MYO1D: variants seen among roughly 807,000 people sequenced by gnomAD.
MYO1D encodes unconventional myosin-Id.
Under a neutral mutation model 122.0 loss-of-function variants are expected in MYO1D, and 83 were observed. That is an observed-to-expected ratio of 0.68 (90% CI 0.57 to 0.82). MYO1D has a LOEUF of 0.82. Among genes scored for constraint, MYO1D ranks in the 40% least tolerant of loss-of-function variants. The pLI, the probability that MYO1D is intolerant of heterozygous loss-of-function variation, is 0.00. For synonymous variants in MYO1D, 464 were observed against 446.9 expected (o/e 1.04, Z -0.48); for missense variants, 1,157 against 1,269.5 (o/e 0.91, Z 1.35).
intron 15 of MYO1D, among the ~76,000 whole-genome samples, chr17:32,713,297 G>A (rs1403197288): frequency 6.6e-6 from 1 of 152,056 alleles, no homozygotes; most frequent in Non-Finnish European, 1.5e-5. Flanking sequence ...CTATTAAAAA[G>A]TCCATCTTTC....
intron 20 of MYO1D, among the ~76,000 whole-genome samples, chr17:32,611,487 A>G (rs989512711): frequency 1.3e-5 from 2 of 152,186 alleles, no homozygotes; most frequent in African/African-American, 4.8e-5. Context: ...GTACCTAGGC[A>G]TACAAAAATA....
At chr17:32,645,101 AG>A (rs2150944290) in intron 19 of MYO1D, among the ~76,000 whole-genome samples, 1 of 152,314 alleles carries the variant, frequency 6.6e-6, no homozygotes, top group South Asian at 2.1e-4. Flanking sequence ...CTTGTAGGGC[AG>A]GCCTGGTGGT....
At chr17:32,540,649 T>G (rs578081168) in intron 21 of MYO1D, among the ~76,000 whole-genome samples, 1 of 151,960 alleles carries the variant, frequency 6.6e-6, no homozygotes, top group South Asian at 2.1e-4. Flanking sequence ...ATAATGGCCA[T>G]GCATGGTGGC....
intron 16 of MYO1D, among the ~76,000 whole-genome samples, chr17:32,686,887 A>T (rs1458906037): frequency 6.6e-6 from 1 of 151,358 alleles, no homozygotes; most frequent in African/African-American, 2.4e-5. Flanking sequence ...GGATTGCTTG[A>T]GCCCTGGAAG....
intron 16 of MYO1D, among the ~76,000 whole-genome samples, chr17:32,674,403 G>C (rs1567942104): frequency 6.6e-6 from 1 of 152,290 alleles, no homozygotes; most frequent in East Asian, 1.9e-4. Flanking sequence ...ACATGGAACT[G>C]ATAAACACTA....
At position 32,677,594 on chromosome 17, in the gene MYO1D, T is replaced by G. The variant is rs201628597; in HGVS notation, c.2122-18256A>C. ...ATAGATAGATAAATATATATATATATATATATATATATATATATATATATA... is the reference window on the plus strand; with the variant it reads ...ATAGATAGATAAATATATATATATAGATATATATATATATATATATATATA... On this transcript the variant is annotated intron_variant, in intron 16 of 21. Transcript: ENST00000318217. Among the ~76,000 whole-genome samples the G allele has an allele frequency of 4.7e-3, 82 of 17,350 alleles. 1 individual carries two copies. Among genetic ancestry groups the G allele is most frequent in the African/African-American group, 0.012 (78 of 6,668 alleles). 11.4% of individuals were successfully genotyped at this position (17,350 alleles called of 152,430 possible). A position where few individuals can be genotyped will look rare whatever the true frequency, so the allele number is the denominator to read the frequency against.
chr17:32,589,035 A>C (rs557642594), intron 21 of MYO1D, among the ~76,000 whole-genome samples: 56 of 118,974 alleles, frequency 4.7e-4, no homozygotes, highest in Non-Finnish European at 7.3e-4. Context: ...GCAAGAGAAT[A>C]AAATTCACCC....
chr17:32,778,500 A>G lies in MYO1D; in HGVS notation c.378T>C (p.Ser126=), dbSNP rs1464510876. ...MQYIAAITNP[S]QRAEVERVKN... is the part of the protein sequence containing the mutation. ...CTTACCTTTCAACCTCTGCTCTCTG[A>G]CTGGGGTTGGTGATGGCCGCAATAT... The change falls in exon 3 of 22, where the codon AGT becomes AGC. Residue 126 remains serine (S), a synonymous_variant. Coordinates refer to ENST00000318217, the MANE Select transcript of MYO1D (RefSeq NM_015194.3). 1 of 1,613,500 alleles carries G rather than the reference A, an allele frequency of 6.2e-7. No homozygotes were observed. Among genetic ancestry groups the G allele is most frequent in the Admixed American group, 1.7e-5 (1 of 60,004 alleles).
intron 16 of MYO1D, among the ~76,000 whole-genome samples, chr17:32,690,389 G>T (rs1390747036): frequency 1.3e-5 from 2 of 152,114 alleles, no homozygotes; most frequent in African/African-American, 4.8e-5. Context: ...TGCCCAGGCT[G>T]GTCGCGAACT....
chr17:32,667,311 T>C (rs1386714600), intron 16 of MYO1D, among the ~76,000 whole-genome samples: 1 of 152,184 alleles, frequency 6.6e-6, no homozygotes, highest in African/African-American at 2.4e-5. Context: ...TCCATTTCTA[T>C]AAGGGACAAA....
At chr17:32,804,341 T>C (rs752056064) in intron 1 of MYO1D, among the ~76,000 whole-genome samples, 11 of 152,338 alleles carry the variant, frequency 7.2e-5, no homozygotes, top group South Asian at 2.1e-4. Context: ...CACATAGATA[T>C]AGAGGGCTCT....
rs936759067 is a variant in MYO1D, at chr17:32,574,456, ATTC to A, written c.2864+30628_2864+30630del. On this transcript the variant is annotated intron_variant, in intron 21 of 21. Coordinates refer to ENST00000318217, the MANE Select transcript of MYO1D (RefSeq NM_015194.3). ...TCAAATGTAAATAGCGTCTCCACAA[ATTC>A]TTCTCCAAATCAGGCTAATTGTCTT... Among the ~76,000 whole-genome samples the A allele has an allele frequency of 4.6e-5, 7 of 152,260 alleles. 1 individual carries two copies. The highest frequency in any genetic ancestry group is 1.7e-4 in the African/African-American group (7 of 41,538).
At chr17:32,650,157 CTT>C (rs2088369095) in intron 19 of MYO1D, among the ~76,000 whole-genome samples, 2 of 152,084 alleles carry the variant, frequency 1.3e-5, no homozygotes, top group African/African-American at 4.8e-5. Flanking sequence ...CTGAAAAAGT[CTT>C]TATTTCACTT....
chr17:32,516,773 C>A (rs1909906753), intron 21 of MYO1D, among the ~76,000 whole-genome samples: 1 of 152,230 alleles, frequency 6.6e-6, no homozygotes, highest in Non-Finnish European at 1.5e-5. Flanking sequence ...GCCTTATTTA[C>A]TGCCTGCATT....
At chr17:32,523,790 C>CAAAAA (rs34905929) in intron 21 of MYO1D, among the ~76,000 whole-genome samples, 4 of 91,666 alleles carry the variant, frequency 4.4e-5, no homozygotes, top group Admixed American at 1.2e-4. Context: ...GACCCTGTCT[C>CAAAAA]AAAAAAAAAA....
At chr17:32,730,611 C>T (rs771246947) in intron 14 of MYO1D, among the ~76,000 whole-genome samples, 20 of 152,092 alleles carry the variant, frequency 1.3e-4, no homozygotes, top group Non-Finnish European at 1.2e-4. Context: ...ATTTGGTTTA[C>T]GTTTATTTTC....
chr17:32,856,013 C>T (rs957124048), intron 1 of MYO1D, among the ~76,000 whole-genome samples: 4 of 152,104 alleles, frequency 2.6e-5, no homozygotes, highest in Non-Finnish European at 4.4e-5. Context: ...ATGACGGTAC[C>T]GAATTTTGCA....
chr17:32,714,620 T>C (rs1398556333), intron 15 of MYO1D, among the ~76,000 whole-genome samples: 4 of 152,166 alleles, frequency 2.6e-5, no homozygotes, highest in African/African-American at 7.2e-5. Context: ...GCTAGCCATA[T>C]GCAGAAAATT....
At chr17:32,597,167 T>A (rs2087502264) in intron 21 of MYO1D, among the ~76,000 whole-genome samples, 1 of 152,166 alleles carries the variant, frequency 6.6e-6, no homozygotes, top group Admixed American at 6.5e-5. Flanking sequence ...AAAATAATAA[T>A]GAATTCAGAG....
Sources: allele counts gnomAD v4.1 joint callset (sites outside exome capture counted in the v4.1 genomes callset), GRCh38; gene constraint gnomAD v4.1.1; transcripts MANE v1.5; gene names NCBI Gene and HGNC (gene_info 2026-07-23, HGNC 2026-07-21).